TMEM165: variants seen among roughly 807,000 people sequenced by gnomAD.
TMEM165 encodes the protein transmembrane protein 165.
In TMEM165, 19 loss-of-function variants were observed where a neutral mutation model predicts 30.0. The observed-to-expected ratio is 0.63, with a 90% CI of 0.44 to 0.93. The LOEUF is 0.93. TMEM165 is among the 40% of genes least tolerant of loss of function. TMEM165 has a pLI of 0.00. For synonymous variants in TMEM165, 168 were observed against 162.9 expected (o/e 1.03, Z -0.24); for missense variants, 340 against 417.0 (o/e 0.82, Z 1.61).
chr4:55,406,355 C>T (rs111674811), intron 1 of TMEM165, among the ~76,000 whole-genome samples: 7 of 152,284 alleles, frequency 4.6e-5, no homozygotes, highest in East Asian at 3.9e-4. Context: ...TGAGAAGTTA[C>T]GTCTCTTTTC....
chr4:55,448,918 G>T, intron 3 of TMEM165: 2 of 1,336,450 alleles, frequency 1.5e-6, no homozygotes, highest in South Asian at 2.4e-5. Flanking sequence ...TCCCATACAT[G>T]AGTACTTCCA....
chr4:55,397,619 CCCTTT>C lies in TMEM165; in HGVS notation c.207+1242_207+1246del, dbSNP rs555441264. On this transcript the variant is annotated intron_variant, in intron 1 of 5. Coordinates refer to ENST00000381334, the MANE Select transcript of TMEM165 (RefSeq NM_018475.5). The stretch of plus-strand genomic sequence containing the variant: ...TCTTGGTTAAGGGTGATTTATCTGA[CCCTTT>C]CCTTTCCTTTCCTTTCCTCTCCTTT... 1.1e-3 allele frequency among the ~76,000 whole-genome samples: 168 copies of C among 152,084 alleles called. 2 individuals are homozygous for C. The highest frequency in any genetic ancestry group is 9.3e-3 in the South Asian group (45 of 4,820).
chr4:55,412,482 C>T (rs1374676809), intron 2 of TMEM165, among the ~76,000 whole-genome samples: 1 of 149,276 alleles, frequency 6.7e-6, no homozygotes, highest in Non-Finnish European at 1.5e-5. Flanking sequence ...TAATTTGATA[C>T]CCACTATCAC....
chr4:55,431,615 T>G (rs936517245), intron 3 of TMEM165: 1 of 152,232 alleles, frequency 6.6e-6, no homozygotes, highest in Non-Finnish European at 1.5e-5. Context: ...GGGACTCCTG[T>G]GGGACTAAGG....
At chr4:55,403,529 G>T (rs1578230698) in intron 1 of TMEM165, among the ~76,000 whole-genome samples, 1 of 121,760 alleles carries the variant, frequency 8.2e-6, no homozygotes, top group South Asian at 2.8e-4. Flanking sequence ...TTTACATTTG[G>T]AATTAAAATT....
intron 1 of TMEM165, among the ~76,000 whole-genome samples, chr4:55,402,579 C>T (rs1309249318): frequency 1.4e-5 from 2 of 141,280 alleles, no homozygotes. Context: ...TCCAGAGTGG[C>T]TGAGACTACA....
intron 1 of TMEM165, among the ~76,000 whole-genome samples, chr4:55,400,284 TATATTATATATA>T (rs1203982282): frequency 0.021 from 2,205 of 103,104 alleles, 93 homozygotes; most frequent in African/African-American, 0.088. Context: ...TATAATATTA[TATATTATATATA>T]ATATTATATA....
chr4:55,438,215 C>G, intron 3 of TMEM165: 1 of 1,560,040 alleles, frequency 6.4e-7, no homozygotes, highest in South Asian at 1.1e-5. Flanking sequence ...AATCTGTTCA[C>G]TTAATGCTTA....
At chr4:55,443,865 T>C in intron 3 of TMEM165, 1 of 1,613,238 alleles carries the variant, frequency 6.2e-7, no homozygotes, top group Non-Finnish European at 8.5e-7. Context: ...GGAACCAAAA[T>C]TCAACCCAGG....
At chr4:55,424,914 A>G in intron 5 of TMEM165, 2 of 417,552 alleles carry the variant, frequency 4.8e-6, no homozygotes, top group Non-Finnish European at 8.6e-6. Flanking sequence ...ATTTGGAAGT[A>G]TGAGAAGTTT....
chr4:55,413,910 A>G (rs1295329522), intron 2 of TMEM165, among the ~76,000 whole-genome samples: 1 of 152,218 alleles, frequency 6.6e-6, no homozygotes, highest in Admixed American at 6.5e-5. Flanking sequence ...TTATGTATTG[A>G]TACAGTACTT....
At chr4:55,437,254 A>G (rs191071480) in intron 3 of TMEM165, among the ~76,000 whole-genome samples, 4 of 152,312 alleles carry the variant, frequency 2.6e-5, no homozygotes, top group Non-Finnish European at 4.4e-5. Context: ...ATGCCTGAAT[A>G]TAGAGTACAA....
chr4:55,417,996 T>C lies in TMEM165; in HGVS notation c.792+11T>C, dbSNP rs200941992. On this transcript the variant is annotated intron_variant, in intron 4 of 5. Transcript: ENST00000381334. ...TTGGCAGCTAGAGAGGTGAGTGATA[T>C]TTGAGAGGAGACTGTTTAAAATGAA... 4.4e-6 allele frequency: 7 copies of C among 1,595,158 alleles called. No homozygotes were observed. The highest frequency in any genetic ancestry group is 1.1e-5 in the South Asian group (1 of 87,382).
At chr4:55,446,469 G>A (rs1723860609) in intron 3 of TMEM165, among the ~76,000 whole-genome samples, 1 of 152,064 alleles carries the variant, frequency 6.6e-6, no homozygotes, top group South Asian at 2.1e-4. Context: ...ATGTGTACAT[G>A]AGTAGAATTA....
At chr4:55,426,797 T>G (rs1310248387), downstream of TMEM165, among the ~76,000 whole-genome samples, 2 of 152,204 alleles carry the variant, frequency 1.3e-5, no homozygotes, top group African/African-American at 4.8e-5. Flanking sequence ...ACATGGTAAC[T>G]CTGTGAGGAA....
chr4:55,417,951 C>G lies in TMEM165; in HGVS notation c.758C>G (p.Ser253Cys). The G allele has an allele frequency of 1.2e-6, 2 of 1,612,386 alleles. No individual in the cohort carries two copies. The highest frequency in any genetic ancestry group is 4.5e-5 in the East Asian group (2 of 44,870). ...LTFLAEWGDR[S>C]QLTTIVLAAR... ...TTCTTAGCAGAATGGGGTGATCGCT[C>G]TCAACTAACTACAATTGTATTGGCA... Residue 253 changes from serine (S) to cysteine (C), a missense_variant, in exon 4 of 6, where the codon TCT becomes TGT. Transcript: ENST00000381334.
chr4:55,405,792 C>G (rs1268113363), intron 1 of TMEM165, among the ~76,000 whole-genome samples: 2 of 152,198 alleles, frequency 1.3e-5, no homozygotes, highest in African/African-American at 4.8e-5. Context: ...TAATTGGTCA[C>G]AGTGCCTTGA....
intron 1 of TMEM165, among the ~76,000 whole-genome samples, chr4:55,402,119 C>CAAAAAAAAAAAAAAAAAAAAAAAAAAA (rs71194551): frequency 1.9e-5 from 2 of 107,032 alleles, no homozygotes; most frequent in African/African-American, 9.8e-5. Context: ...ACTCTGTCTC[C>CAAAAAAAAAAAAAAAAAAAAAAAAAAA]AAAAAAAAAA....
intron 1 of TMEM165, among the ~76,000 whole-genome samples, chr4:55,405,477 C>T (rs1405057388): frequency 1.3e-5 from 2 of 152,060 alleles, no homozygotes; most frequent in African/African-American, 4.8e-5. Context: ...ATTTGAAATG[C>T]TTTTTATCAC....
Sources: allele counts gnomAD v4.1 joint callset (sites outside exome capture counted in the v4.1 genomes callset), GRCh38; gene constraint gnomAD v4.1.1; transcripts MANE v1.5; gene names NCBI Gene and HGNC (gene_info 2026-07-23, HGNC 2026-07-21).